Variants in HDAC9 observed in about 807,000 individuals in gnomAD.
HDAC9 encodes the protein MEF-2 interacting transcription repressor (MITR) protein.
A neutral mutation model predicts 139.4 loss-of-function variants in HDAC9; 41 were observed. That is an observed-to-expected ratio of 0.29 (90% CI 0.23 to 0.38). The LOEUF (loss-of-function observed/expected upper bound fraction) is 0.38, where lower values mean the gene tolerates loss of function less well. Ranked by LOEUF, HDAC9 falls within the 10% of genes least tolerant of loss-of-function variation. The pLI, the probability that HDAC9 is intolerant of heterozygous loss-of-function variation, is 1.00. For missense variants in HDAC9, 1,147 were observed against 1,297.0 expected (o/e 0.88, Z 1.78); for synonymous variants, 517 against 476.2 (o/e 1.09, Z -1.12).
chr7:18,751,102 C>T (rs1788406988), intron 14 of HDAC9, among the ~76,000 whole-genome samples: 1 of 152,248 alleles, frequency 6.6e-6, no homozygotes, highest in South Asian at 2.1e-4. Flanking sequence ...AGTCTATTAT[C>T]ATCCTTTTCT....
intron 1 of HDAC9, among the ~76,000 whole-genome samples, chr7:18,111,463 G>A (rs1478573038): frequency 1.3e-5 from 2 of 152,068 alleles, no homozygotes; most frequent in South Asian, 2.1e-4. Context: ...ACTGCCCCTC[G>A]GTATCTGTGG....
intron 2 of HDAC9, chr7:18,509,359 G>A (rs1044646646): frequency 1.9e-5 from 19 of 985,266 alleles, no homozygotes; most frequent in South Asian, 1.4e-4. Context: ...TGTCAGCTAC[G>A]ATTTTCTCTA....
intron 2 of HDAC9, among the ~76,000 whole-genome samples, chr7:18,169,426 T>C (rs1788248376): frequency 6.6e-6 from 1 of 152,160 alleles, no homozygotes; most frequent in Non-Finnish European, 1.5e-5. Flanking sequence ...TTTGCCATAC[T>C]TTTCCTTGCA....
intron 1 of HDAC9, among the ~76,000 whole-genome samples, chr7:18,403,558 C>T (rs1027206203): frequency 3.3e-5 from 5 of 152,094 alleles, no homozygotes; most frequent in Non-Finnish European, 7.4e-5. Flanking sequence ...GTAATTTCTC[C>T]ATGTATATTT....
At position 18,247,293 on chromosome 7, in the gene HDAC9, C is replaced by T. The variant is rs1465153932; in HGVS notation, c.25+84944C>T. Among the ~76,000 whole-genome samples, 4 of 151,724 alleles carry T rather than the reference C, an allele frequency of 2.6e-5. No homozygotes were observed. In the South Asian group the frequency reaches 6.2e-4, roughly 24 times the overall value. On this transcript the variant is annotated intron_variant, in intron 2 of 12. Coordinates refer to the HDAC9 transcript ENST00000417496. Reference sequence around the variant, plus strand: ...GTGTGAACTGATAATGAGAAGAGGCCACGTGGTGAGCACTGGGGCATATTC... The same window carrying T: ...GTGTGAACTGATAATGAGAAGAGGCTACGTGGTGAGCACTGGGGCATATTC...
chr7:18,988,094 C>T lies in HDAC9; in HGVS notation c.3171-7929C>T, dbSNP rs568385669. Among the ~76,000 whole-genome samples the T allele has an allele frequency of 2.2e-3, 327 of 152,062 alleles. 1 individual carries two copies. The highest frequency in any genetic ancestry group is 7.6e-3 in the African/African-American group (317 of 41,500). On this transcript the variant is annotated intron_variant, in intron 25 of 25. Transcript: ENST00000686413. ...CTGCTCTGATTTTAGTTATTTCTTG[C>T]CTTCTGCTAGCTTTTGAATGTGTTT...
chr7:18,432,156 A>T (rs1017494538), intron 1 of HDAC9, among the ~76,000 whole-genome samples: 2 of 152,140 alleles, frequency 1.3e-5, no homozygotes, highest in Non-Finnish European at 1.5e-5. Flanking sequence ...TAAGAGTTGC[A>T]CCTCCATCCA....
rs539886150 is a variant in HDAC9 at position 18,767,843 on chromosome 7, GAAC to G, written c.2214+693_2214+695del. On this transcript the variant is annotated intron_variant, in intron 16 of 25. Transcript: ENST00000686413. ...TCCTGTAGAACTAAGTGTTATGTTA[GAAC>G]AACATAATTCTAGGTGAAGTTTTCA... is the stretch of plus-strand genomic sequence containing the variant. 1.4e-3 allele frequency among the ~76,000 whole-genome samples: 206 copies of G among 152,220 alleles called. 1 individual carries two copies. Among genetic ancestry groups the G allele is most frequent in the African/African-American group, 4.7e-3 (197 of 41,544 alleles).
chr7:18,101,064 C>A (rs1782824306), intron 1 of HDAC9, among the ~76,000 whole-genome samples: 1 of 152,126 alleles, frequency 6.6e-6, no homozygotes, highest in Non-Finnish European at 1.5e-5. Context: ...TCAGGTGGTT[C>A]TTTTCCTAAC....
chr7:18,550,411 G>GT (rs1221622796), intron 2 of HDAC9, among the ~76,000 whole-genome samples: 8 of 152,276 alleles, frequency 5.3e-5, no homozygotes, highest in Admixed American at 5.2e-4. Flanking sequence ...TGTGGCAGGT[G>GT]TTAGTCTATG....
chr7:18,158,835 C>T (rs1448076746), intron 1 of HDAC9, among the ~76,000 whole-genome samples: 1 of 152,134 alleles, frequency 6.6e-6, no homozygotes, highest in Non-Finnish European at 1.5e-5. Flanking sequence ...GTGGTAGTGC[C>T]CTCTCTTTTT....
intron 24 of HDAC9, among the ~76,000 whole-genome samples, chr7:18,957,250 T>C (rs948283425): frequency 6.6e-6 from 1 of 152,108 alleles, no homozygotes; most frequent in Non-Finnish European, 1.5e-5. Context: ...TTTTATGTGG[T>C]TATAACTATG....
intron 6 of HDAC9, among the ~76,000 whole-genome samples, chr7:18,607,305 C>G (rs1244494705): frequency 1.3e-5 from 2 of 152,136 alleles, no homozygotes; most frequent in Non-Finnish European, 2.9e-5. Flanking sequence ...CTAAGGTAGC[C>G]TAGAAAGACA....
At chr7:18,226,340 A>G (rs1043112907) in intron 2 of HDAC9, among the ~76,000 whole-genome samples, 12 of 152,140 alleles carry the variant, frequency 7.9e-5, no homozygotes, top group Non-Finnish European at 1.8e-4. Flanking sequence ...CCCTGCAGGG[A>G]AAAGACTTGG....
chr7:18,371,731 G>A (rs1285287217), intron 1 of HDAC9, among the ~76,000 whole-genome samples: 3 of 152,042 alleles, frequency 2.0e-5, no homozygotes, highest in Admixed American at 2.0e-4. Flanking sequence ...TGAGATCAAG[G>A]TTTTTTTCCT....
At chr7:18,552,439 TAAAA>T (rs377284748) in intron 2 of HDAC9, among the ~76,000 whole-genome samples, 1 of 147,702 alleles carries the variant, frequency 6.8e-6, no homozygotes, top group African/African-American at 2.5e-5. Context: ...GCAACAAAGT[TAAAA>T]AAAAAAGCAC....
chr7:18,889,985 C>G (rs536514651), intron 22 of HDAC9, among the ~76,000 whole-genome samples: 1 of 152,290 alleles, frequency 6.6e-6, no homozygotes, highest in African/African-American at 2.4e-5. Flanking sequence ...CAGGCGTGAG[C>G]CACCGCCACT....
chr7:18,617,445 C>G (rs918469891), intron 6 of HDAC9, among the ~76,000 whole-genome samples: 8 of 152,148 alleles, frequency 5.3e-5, no homozygotes, highest in African/African-American at 1.7e-4. Flanking sequence ...TTCACACAAG[C>G]CATTCTCATC....
At chr7:18,220,498 G>A (rs1462897864) in intron 2 of HDAC9, among the ~76,000 whole-genome samples, 1 of 152,118 alleles carries the variant, frequency 6.6e-6, no homozygotes, top group African/African-American at 2.4e-5. Flanking sequence ...CATAGGTCTT[G>A]AACTGGAATT....
Sources: allele counts gnomAD v4.1 joint callset (sites outside exome capture counted in the v4.1 genomes callset), GRCh38; gene constraint gnomAD v4.1.1; transcripts MANE v1.5; gene names NCBI Gene and HGNC (gene_info 2026-07-23, HGNC 2026-07-21).